DPP6: variants seen among roughly 807,000 people sequenced by gnomAD.
DPP6 encodes dipeptidyl peptidase like 6.
In DPP6, 69 loss-of-function variants were observed where a neutral mutation model predicts 122.6. The ratio of observed to expected loss-of-function variants is 0.56; its 90% CI spans 0.46 to 0.69. DPP6 has a LOEUF of 0.69. Among genes scored for constraint, DPP6 ranks in the 30% least tolerant of loss-of-function variants. The probability of loss-of-function intolerance (pLI) is 0.00; values close to 1 mark genes in which losing one functional copy is unlikely to be tolerated. For synonymous variants in DPP6, 418 were observed against 433.1 expected (o/e 0.97, Z 0.43); for missense variants, 928 against 1,116.9 (o/e 0.83, Z 2.41).
In DPP6 at chr7:154,801,453, C is replaced by T. The variant is rs1305606948; in HGVS notation, c.1398C>T (p.Ser466=). Residue 466 remains serine, a synonymous_variant, in exon 13 of 26, where the codon TCC becomes TCT. Coordinates refer to ENST00000377770, the MANE Select transcript of DPP6 (RefSeq NM_130797.4). ...GGAAATTCTATCACATCACGGTGTC[C>T]TCGTCCCAGGTAAGTCCTGCTAGTT... The part of the protein sequence containing the change: ...GRGKFYHITV[S]SSQPNSSNDN... 6.3e-7 allele frequency: 1 copy of T among 1,579,906 alleles called. No individual in the cohort carries two copies. Among genetic ancestry groups the T allele is most frequent in the Admixed American group, 1.8e-5 (1 of 55,636 alleles).
intron 7 of DPP6, among the ~76,000 whole-genome samples, chr7:154,721,807 A>G (rs1841825600): frequency 6.6e-6 from 1 of 152,134 alleles, no homozygotes; most frequent in African/African-American, 2.4e-5. Flanking sequence ...TACTTCATTC[A>G]GGCCAGCCAC....
chr7:154,570,957 C>T (rs1484773881), intron 5 of DPP6, among the ~76,000 whole-genome samples: 2 of 152,102 alleles, frequency 1.3e-5, no homozygotes, highest in Admixed American at 1.3e-4. Flanking sequence ...TTATGTGGCA[C>T]CAGCATTATA....
intron 1 of DPP6, among the ~76,000 whole-genome samples, chr7:153,987,001 A>T (rs571349948): frequency 6.6e-6 from 1 of 152,316 alleles, no homozygotes; most frequent in African/African-American, 2.4e-5. Context: ...CATTATCCAG[A>T]GTAAGGTTAG....
At chr7:154,201,830 T>G (rs148956154) in intron 1 of DPP6, among the ~76,000 whole-genome samples, 1 of 152,348 alleles carries the variant, frequency 6.6e-6, no homozygotes, top group African/African-American at 2.4e-5. Flanking sequence ...CCTAAACACA[T>G]GTCCTGAAAC....
At chr7:153,906,625 AT>A (rs1192367393) in intron 1 of DPP6, among the ~76,000 whole-genome samples, 2 of 151,870 alleles carry the variant, frequency 1.3e-5, no homozygotes, top group African/African-American at 4.8e-5. Context: ...TAATTTTTGT[AT>A]TTTTTTGTAG....
chr7:153,840,036 C>T, the DPP6 span, among the ~76,000 whole-genome samples: 1 of 152,120 alleles, frequency 6.6e-6, no homozygotes, highest in Non-Finnish European at 1.5e-5. Context: ...CCACTGTGTC[C>T]TGGAGTCCTT....
the DPP6 span, among the ~76,000 whole-genome samples, chr7:153,842,135 A>T: frequency 1.3e-5 from 2 of 152,224 alleles, no homozygotes; most frequent in Non-Finnish European, 2.9e-5. Context: ...ATATATATGT[A>T]AGTCTTCTGA....
chr7:153,983,763 G>A (rs538539740), intron 1 of DPP6, among the ~76,000 whole-genome samples: 4 of 152,152 alleles, frequency 2.6e-5, no homozygotes, highest in African/African-American at 7.2e-5. Flanking sequence ...TGTCCCTCAC[G>A]GCACAGTCCC....
intron 20 of DPP6, among the ~76,000 whole-genome samples, chr7:154,878,619 G>A (rs548377972): frequency 5.9e-5 from 9 of 152,216 alleles, no homozygotes; most frequent in Middle Eastern, 3.4e-3. Context: ...CAGTTCCCCC[G>A]TCCACCACCA....
chr7:153,780,630 C>T, the DPP6 span, among the ~76,000 whole-genome samples: 1 of 151,968 alleles, frequency 6.6e-6, no homozygotes, highest in South Asian at 2.1e-4. Context: ...TTGTGATTGG[C>T]GAGAGGATTG....
chr7:154,694,874 C>T (rs770472882), intron 7 of DPP6, among the ~76,000 whole-genome samples: 2 of 152,104 alleles, frequency 1.3e-5, no homozygotes, highest in Non-Finnish European at 2.9e-5. Flanking sequence ...GGGATCTTGG[C>T]GCCACCACCT....
At chr7:154,175,722 T>C (rs540078480) in intron 1 of DPP6, among the ~76,000 whole-genome samples, 98 of 31,990 alleles carry the variant, frequency 3.1e-3, no homozygotes, top group African/African-American at 9.2e-3. Flanking sequence ...GGAGACTGGC[T>C]TTTTTTTTTT....
At chr7:154,634,642 T>TTCCTCCTCCTCCTCCTCTTCC (rs1563040962) in intron 5 of DPP6, among the ~76,000 whole-genome samples, 1 of 151,014 alleles carries the variant, frequency 6.6e-6, no homozygotes, top group Non-Finnish European at 1.5e-5. Flanking sequence ...CCTCCTCTTC[T>TTCCTCCTCCTCCTCCTCTTCC]TCCTCCTCCT....
intron 1 of DPP6, among the ~76,000 whole-genome samples, chr7:154,256,998 C>T (rs59798277): frequency 8.3e-5 from 11 of 132,844 alleles, no homozygotes; most frequent in South Asian, 4.7e-4. Flanking sequence ...TCTTCTTCTT[C>T]TTTTTTTTTT....
intron 1 of DPP6, among the ~76,000 whole-genome samples, chr7:154,232,118 T>C (rs1222078072): frequency 6.6e-6 from 1 of 152,040 alleles, no homozygotes; most frequent in Non-Finnish European, 1.5e-5. Flanking sequence ...CCTAAGAGGA[T>C]AGGACAAGCT....
At chr7:154,625,450 A>C (rs1054922226) in intron 5 of DPP6, among the ~76,000 whole-genome samples, 5 of 152,196 alleles carry the variant, frequency 3.3e-5, no homozygotes, top group African/African-American at 4.8e-5. Flanking sequence ...GCCTACATGC[A>C]AGCATAGAGA....
At chr7:154,490,046 A>T (rs755227552) in intron 3 of DPP6, among the ~76,000 whole-genome samples, 2 of 152,210 alleles carry the variant, frequency 1.3e-5, no homozygotes, top group Non-Finnish European at 2.9e-5. Context: ...TTTCTTATTT[A>T]CACCAGTGTT....
intron 5 of DPP6, among the ~76,000 whole-genome samples, chr7:154,613,832 C>T (rs1013096779): frequency 2.0e-4 from 31 of 152,094 alleles, no homozygotes; most frequent in African/African-American, 6.0e-4. Context: ...ATTCCCCAAA[C>T]GTCCTACCTT....
intron 1 of DPP6, among the ~76,000 whole-genome samples, chr7:153,936,709 G>A (rs1040182012): frequency 2.0e-5 from 3 of 152,072 alleles, no homozygotes; most frequent in African/African-American, 4.8e-5. Flanking sequence ...TACTCGGGAG[G>A]CTGAGGCAGG....
Sources: allele counts gnomAD v4.1 joint callset (sites outside exome capture counted in the v4.1 genomes callset), GRCh38; gene constraint gnomAD v4.1.1; transcripts MANE v1.5; gene names NCBI Gene and HGNC (gene_info 2026-07-23, HGNC 2026-07-21).